Variants in KCNJ16 observed in about 807,000 individuals in gnomAD.
KCNJ16 encodes the protein inward rectifier potassium channel 16.
KCNJ16 carries 15 observed loss-of-function variants against 18.5 expected under a neutral mutation model. The ratio of observed to expected loss-of-function variants is 0.81; its 90% CI spans 0.54 to 1.25. The LOEUF is 1.25. Among genes scored for constraint, KCNJ16 ranks in the 50% most tolerant of loss-of-function variants. The pLI is 0.00. For missense variants in KCNJ16, 523 were observed against 525.7 expected (o/e 0.99, Z 0.05); for synonymous variants, 174 against 186.5 (o/e 0.93, Z 0.55).
At chr17:70,106,646 C>A (rs756050301) in intron 2 of KCNJ16, among the ~76,000 whole-genome samples, 18 of 152,170 alleles carry the variant, frequency 1.2e-4, no homozygotes, top group Non-Finnish European at 2.1e-4. Flanking sequence ...ACAACTAATA[C>A]CAGCCCTGAC....
At chr17:70,094,883 T>C (rs1312037671) in intron 1 of KCNJ16, among the ~76,000 whole-genome samples, 1 of 152,218 alleles carries the variant, frequency 6.6e-6, no homozygotes, top group African/African-American at 2.4e-5. Flanking sequence ...TGCAAGGCCG[T>C]AGAATTTGTC....
At chr17:70,098,732 G>T (rs2072496150) in intron 1 of KCNJ16, among the ~76,000 whole-genome samples, 1 of 152,102 alleles carries the variant, frequency 6.6e-6, no homozygotes, top group Non-Finnish European at 1.5e-5. Context: ...ATGACTTTAT[G>T]TATTTCCTCC....
intron 2 of KCNJ16, among the ~76,000 whole-genome samples, chr17:70,119,835 C>T (rs1037064315): frequency 6.6e-6 from 1 of 151,388 alleles, no homozygotes; most frequent in Non-Finnish European, 1.5e-5. Flanking sequence ...GCACTTGGCT[C>T]CCTTTTAGTT....
intron 3 of KCNJ16, 32 bp from the exon 4 acceptor site, chr17:70,131,963 A>G: frequency 6.6e-7 from 1 of 1,525,366 alleles, no homozygotes; most frequent in Admixed American, 2.1e-5. Flanking sequence ...TTGAAAGCTA[A>G]AAAGTGTGTT....
At chr17:70,075,675 T>A (rs954574922) in intron 1 of KCNJ16, among the ~76,000 whole-genome samples, 1 of 152,180 alleles carries the variant, frequency 6.6e-6, no homozygotes, top group Admixed American at 6.5e-5. Flanking sequence ...TATTTGTAAA[T>A]GTCTAAAAGT....
chr17:70,123,254 T>C (rs1345678488), intron 2 of KCNJ16, among the ~76,000 whole-genome samples: 1 of 151,976 alleles, frequency 6.6e-6, no homozygotes, highest in Non-Finnish European at 1.5e-5. Context: ...CCTATGCACC[T>C]TTGAAAAGAT....
In KCNJ16 at chr17:70,132,880, G is replaced by C; in HGVS notation, c.793G>C (p.Ala265Pro). The C allele has an allele frequency of 6.2e-7, 1 of 1,614,122 alleles. No homozygotes were observed. The highest frequency in any genetic ancestry group is 1.1e-5 in the South Asian group (1 of 91,078). ...AATTGACCATGAGAGCCCTCTGTAT[G>C]CCCTTGACCGCAAAGCAGTAGCCAA... ...HEIDHESPLY[A>P]LDRKAVAKDN... Residue 265 changes from alanine to proline, a missense_variant, in exon 4 of 4, where the codon GCC becomes CCC. Coordinates refer to ENST00000392671, the MANE Select transcript of KCNJ16 (RefSeq NM_170741.4).
At chr17:70,094,820 G>C (rs2072279945) in intron 1 of KCNJ16, among the ~76,000 whole-genome samples, 2 of 152,106 alleles carry the variant, frequency 1.3e-5, no homozygotes, top group Non-Finnish European at 1.5e-5. Flanking sequence ...TTACTGGCTA[G>C]AGTTAACCAG....
At chr17:70,121,529 G>A (rs1165622403) in intron 2 of KCNJ16, among the ~76,000 whole-genome samples, 1 of 152,180 alleles carries the variant, frequency 6.6e-6, no homozygotes, top group African/African-American at 2.4e-5. Flanking sequence ...GAGAGGGCCA[G>A]ATGTTAGATG....
chr17:70,119,362 C>T (rs1382109574), intron 2 of KCNJ16, among the ~76,000 whole-genome samples: 2 of 152,156 alleles, frequency 1.3e-5, no homozygotes, highest in South Asian at 2.1e-4. Context: ...AGGCAGTGCC[C>T]CAGTGGGGAC....
intron 1 of KCNJ16, among the ~76,000 whole-genome samples, chr17:70,077,869 A>G (rs1187974763): frequency 1.6e-4 from 23 of 141,006 alleles, no homozygotes; most frequent in Admixed American, 1.3e-3. Flanking sequence ...CCAGATTCAG[A>G]AAAAAAAAAA....
intron 1 of KCNJ16, among the ~76,000 whole-genome samples, chr17:70,091,301 G>A (rs554246304): frequency 1.6e-4 from 24 of 152,252 alleles, no homozygotes; most frequent in African/African-American, 5.5e-4. Flanking sequence ...CAACTTAAGT[G>A]ATAAGATAAT....
chr17:70,103,307 TATATATATATATATACA>T (rs2072750398), intron 2 of KCNJ16, among the ~76,000 whole-genome samples: 1 of 18,482 alleles, frequency 5.4e-5, no homozygotes, highest in Admixed American at 5.8e-4. Context: ...TATATATATA[TATATATATATATATACA>T]CACACATATA....
intron 2 of KCNJ16, among the ~76,000 whole-genome samples, chr17:70,106,877 C>T: frequency 6.6e-6 from 1 of 152,162 alleles, no homozygotes; most frequent in Non-Finnish European, 1.5e-5. Context: ...CATAGTTTAA[C>T]AGAGACGAAT....
At chr17:70,131,961 T>C in intron 3 of KCNJ16, 34 bp from the exon 4 acceptor site, 2 of 1,522,908 alleles carry the variant, frequency 1.3e-6, no homozygotes, top group South Asian at 1.2e-5. Context: ...CATTGAAAGC[T>C]AAAAAGTGTG....
rs1281079814 is a variant in KCNJ16, at chr17:70,134,188, G to A, written c.*844G>A. ...AGGGACAGGATCATACAGATGAGGT[G>A]AGGGGATGGTTAGCAGCGATAAACA... On this transcript the variant is annotated 3_prime_UTR_variant, in exon 4 of 4. Transcript: ENST00000392671. 1.2e-5 allele frequency: 2 copies of A among 166,928 alleles called. No homozygotes were observed. Among genetic ancestry groups the A allele is most frequent in the African/African-American group, 4.8e-5 (2 of 41,424 alleles). The allele number at this position is 166,928 out of a possible 1,614,324, so 10.3% of individuals were successfully genotyped here. A position where few individuals can be genotyped will look rare whatever the true frequency, so the allele number is the denominator to read the frequency against.
rs1375377462 is a variant in KCNJ16 at position 70,133,341 on chromosome 17, G to A, written c.1254G>A (p.Met418Ile). Reference sequence around the variant, plus strand: ...ACAGAATCTCTGTAGAATCCCAAATGTAGTCCTAAATTGCAATTATGAGGG... The same window carrying A: ...ACAGAATCTCTGTAGAATCCCAAATATAGTCCTAAATTGCAATTATGAGGG... ...TLNRISVESQ[M>I] Residue 418 changes from methionine to isoleucine, a missense_variant, in exon 4 of 4, where the codon ATG (methionine) becomes ATA (isoleucine). By Grantham distance (10) the Met-to-Ile change is conservative. Transcript: ENST00000392671. 1.2e-6 allele frequency: 2 copies of A among 1,606,566 alleles called. No homozygotes were observed. Among genetic ancestry groups the A allele is most frequent in the South Asian group, 2.2e-5 (2 of 90,710 alleles).
At chr17:70,077,847 A>G (rs2071382599) in intron 1 of KCNJ16, among the ~76,000 whole-genome samples, 1 of 151,876 alleles carries the variant, frequency 6.6e-6, no homozygotes, top group African/African-American at 2.4e-5. Context: ...TAAATTTTTC[A>G]GGCCCAAGGG....
intron 2 of KCNJ16, among the ~76,000 whole-genome samples, chr17:70,110,479 C>T (rs534218331): frequency 2.7e-5 from 4 of 147,450 alleles, no homozygotes; most frequent in Non-Finnish European, 3.0e-5. Flanking sequence ...ACACTTCGTG[C>T]GCGCACACAC....
Sources: gnomAD v4.1 joint callset for allele counts (sites outside exome capture counted in the v4.1 genomes callset) on GRCh38, gnomAD v4.1.1 for gene constraint, MANE v1.5 for transcripts, NCBI Gene and HGNC (gene_info 2026-07-23, HGNC 2026-07-21) for gene names.